Variants in ZFAND3 observed in about 807,000 individuals in gnomAD.
ZFAND3 encodes the protein AN1-type zinc finger protein 3.
Under a neutral mutation model 29.6 loss-of-function variants are expected in ZFAND3, and 10 were observed. The ratio of observed to expected loss-of-function variants is 0.34; its 90% CI spans 0.21 to 0.57. ZFAND3 has a LOEUF of 0.57. Among genes scored for constraint, ZFAND3 ranks in the 20% least tolerant of loss-of-function variants. ZFAND3 has a pLI of 0.86. For synonymous variants in ZFAND3, 128 were observed against 112.6 expected, an observed-to-expected ratio of 1.14 and a Z score of -0.87; for missense variants, 230 against 304.5, an observed-to-expected ratio of 0.76 and a Z score of 1.82.
chr6:38,031,187 A>G (rs187611157), intron 2 of ZFAND3, among the ~76,000 whole-genome samples: 2 of 152,098 alleles, frequency 1.3e-5, no homozygotes, highest in African/African-American at 2.4e-5. Flanking sequence ...TGGTGCTACT[A>G]CCTGTTTGTT....
intron 2 of ZFAND3, among the ~76,000 whole-genome samples, chr6:38,040,722 G>C (rs555231337): frequency 2.0e-5 from 3 of 152,020 alleles, no homozygotes; most frequent in African/African-American, 7.3e-5. Context: ...ACACACCCAC[G>C]TGCATATTTT....
At chr6:37,900,326 GAATTAGA>G (rs1357008183) in intron 1 of ZFAND3, among the ~76,000 whole-genome samples, 1 of 152,138 alleles carries the variant, frequency 6.6e-6, no homozygotes, top group Admixed American at 6.5e-5. Flanking sequence ...GTACTCTTGA[GAATTAGA>G]AATTACTATT....
chr6:37,862,519 A>C (rs1434407799), intron 1 of ZFAND3, among the ~76,000 whole-genome samples: 1 of 139,676 alleles, frequency 7.2e-6, no homozygotes, highest in Admixed American at 7.2e-5. Flanking sequence ...CTATCTTTCC[A>C]AAAAAAAAAA....
intron 3 of ZFAND3, among the ~76,000 whole-genome samples, chr6:38,077,117 C>T (rs547392105): frequency 1.7e-3 from 241 of 139,528 alleles, no homozygotes; most frequent in Non-Finnish European, 2.8e-3. Context: ...TTATTTTGTC[C>T]TTTTTTTTTT....
At chr6:38,101,603 A>G (rs973882928) in intron 4 of ZFAND3, among the ~76,000 whole-genome samples, 3 of 151,858 alleles carry the variant, frequency 2.0e-5, no homozygotes, top group Admixed American at 2.0e-4. Flanking sequence ...GTGAAACCCC[A>G]TCTCTACTAA....
At chr6:38,096,896 A>G (rs542610492) in intron 4 of ZFAND3, among the ~76,000 whole-genome samples, 5 of 152,148 alleles carry the variant, frequency 3.3e-5, no homozygotes, top group African/African-American at 1.2e-4. Flanking sequence ...TCTTCTAAGC[A>G]TATTCATTAG....
At chr6:37,993,131 A>C (rs1013065993) in intron 2 of ZFAND3, among the ~76,000 whole-genome samples, 1 of 152,060 alleles carries the variant, frequency 6.6e-6, no homozygotes, top group Non-Finnish European at 1.5e-5. Context: ...GGTGAGTTCA[A>C]TCTCACGTTT....
At position 37,860,038 on chromosome 6, in the gene ZFAND3, A is replaced by T. The variant is rs1287516428; in HGVS notation, c.71+40022A>T. Among the ~76,000 whole-genome samples, 10 of 134,210 alleles carry T rather than the reference A, an allele frequency of 7.5e-5. No individual in the cohort carries two copies. The East Asian group carries it at 1.7e-3, about 23-fold the overall frequency. The allele number at this position is 134,210 out of a possible 152,430, so 88.0% of individuals were successfully genotyped here. Reference sequence around the variant, plus strand: ...AGGAGCCTGCCACTACGCCCAGCTAATTTTTTTTTTTTTTTTGTATTTTTT... The same window carrying T: ...AGGAGCCTGCCACTACGCCCAGCTATTTTTTTTTTTTTTTTTGTATTTTTT... On this transcript the variant is annotated intron_variant, in intron 1 of 5. Transcript: ENST00000287218.
chr6:37,875,049 C>T (rs764192460), intron 1 of ZFAND3, among the ~76,000 whole-genome samples: 2 of 152,130 alleles, frequency 1.3e-5, no homozygotes, highest in Admixed American at 6.5e-5. Flanking sequence ...ATCTTGTGTA[C>T]CTTTCAAATA....
At chr6:38,008,600 TTC>T (rs1163201996) in intron 2 of ZFAND3, among the ~76,000 whole-genome samples, 3 of 151,994 alleles carry the variant, frequency 2.0e-5, no homozygotes, top group Non-Finnish European at 2.9e-5. Context: ...CAGAGAGATT[TTC>T]TCTCTCTCTC....
At chr6:38,143,579 G>C (rs1007240658) in intron 5 of ZFAND3, among the ~76,000 whole-genome samples, 1 of 152,250 alleles carries the variant, frequency 6.6e-6, no homozygotes. Flanking sequence ...AAGCTGTCTC[G>C]ATATGATTTA....
At chr6:38,006,356 T>C (rs796720349) in intron 2 of ZFAND3, among the ~76,000 whole-genome samples, 27 of 152,368 alleles carry the variant, frequency 1.8e-4, no homozygotes, top group African/African-American at 5.3e-4. Context: ...TTATTCACAC[T>C]AAACAATTCT....
intron 1 of ZFAND3, among the ~76,000 whole-genome samples, chr6:37,838,332 T>C (rs564703568): frequency 6.6e-6 from 1 of 152,242 alleles, no homozygotes; most frequent in African/African-American, 2.4e-5. Flanking sequence ...TACCATAAAT[T>C]TCATCCTTTT....
intron 1 of ZFAND3, among the ~76,000 whole-genome samples, chr6:37,884,095 G>C (rs1340856900): frequency 6.9e-6 from 1 of 145,438 alleles, no homozygotes; most frequent in African/African-American, 2.8e-5. Context: ...TTGATCACAT[G>C]GAAGTGGGAG....
intron 1 of ZFAND3, among the ~76,000 whole-genome samples, chr6:37,834,874 T>TA (rs1248027711): frequency 1.3e-5 from 2 of 150,564 alleles, no homozygotes; most frequent in Non-Finnish European, 2.9e-5. Context: ...AACTAGATAC[T>TA]ACCAGTTTTC....
intron 2 of ZFAND3, among the ~76,000 whole-genome samples, chr6:37,978,269 T>A (rs1331934674): frequency 1.3e-5 from 2 of 152,210 alleles, no homozygotes; most frequent in African/African-American, 4.8e-5. Context: ...GGGTTTCAAA[T>A]GTTAAAGCAG....
chr6:37,980,954 A>G (rs1762568437), intron 2 of ZFAND3, among the ~76,000 whole-genome samples: 1 of 152,164 alleles, frequency 6.6e-6, no homozygotes, highest in Non-Finnish European at 1.5e-5. Context: ...GAAAATTTAT[A>G]ATGGGAATTT....
chr6:38,035,687 A>G (rs958184495), intron 2 of ZFAND3, among the ~76,000 whole-genome samples: 1 of 152,166 alleles, frequency 6.6e-6, no homozygotes, highest in African/African-American at 2.4e-5. Flanking sequence ...GTATTGAGTC[A>G]TTCAAGAACT....
At chr6:38,151,842 G>T (rs1766232876) in intron 5 of ZFAND3, among the ~76,000 whole-genome samples, 1 of 151,988 alleles carries the variant, frequency 6.6e-6, no homozygotes, top group South Asian at 2.1e-4. Flanking sequence ...GAAATGGTGG[G>T]CATCCTGTGG....
Sources: gnomAD v4.1 joint callset for allele counts (sites outside exome capture counted in the v4.1 genomes callset) on GRCh38, gnomAD v4.1.1 for gene constraint, MANE v1.5 for transcripts, NCBI Gene and HGNC (gene_info 2026-07-23, HGNC 2026-07-21) for gene names.